Variants in DECR2 observed in about 807,000 individuals in gnomAD.
DECR2 encodes 2,4-dienoyl-CoA reductase 2.
A neutral mutation model predicts 29.2 loss-of-function variants in DECR2; 34 were observed. That is an observed-to-expected ratio of 1.16 (90% CI 0.89 to 1.55). The LOEUF (loss-of-function observed/expected upper bound fraction) is 1.55. DECR2 is among the 40% of genes most tolerant of loss of function. The probability of loss-of-function intolerance (pLI) is 0.00; values close to 1 mark genes in which losing one functional copy is unlikely to be tolerated. For synonymous variants in DECR2, 224 were observed against 182.7 expected (o/e 1.23, Z -1.82); for missense variants, 485 against 425.3 (o/e 1.14, Z -1.23).
At chr16:403,426 T>C (rs2054690482) in intron 1 of DECR2, among the ~76,000 whole-genome samples, 2 of 152,298 alleles carry the variant, frequency 1.3e-5, no homozygotes, top group South Asian at 4.1e-4. Context: ...TCAGTACACA[T>C]TTAATGCGTA....
intron 4 of DECR2, among the ~76,000 whole-genome samples, chr16:409,229 T>G (rs1276653624): frequency 1.3e-5 from 2 of 152,078 alleles, no homozygotes; most frequent in African/African-American, 4.8e-5. Context: ...TGGAGTGCAG[T>G]GGCGCAATCT....
At chr16:404,874 C>G in intron 1 of DECR2, 82 bp from the exon 2 acceptor site, 2 of 1,378,610 alleles carry the variant, frequency 1.5e-6, no homozygotes, top group Non-Finnish European at 2.1e-6. Context: ...GTGGCCCACC[C>G]ACCTTGGCCT....
In DECR2 at chr16:410,796, C is replaced by G. The variant is rs115317717; in HGVS notation, c.556+12C>G. 5.7e-6 allele frequency: 9 copies of G among 1,568,794 alleles called. No individual in the cohort carries two copies. Among genetic ancestry groups the G allele is most frequent in the Middle Eastern group, 1.8e-4 (1 of 5,476 alleles). On this transcript the variant is annotated intron_variant, in intron 6 of 8. Coordinates refer to ENST00000219481, the MANE Select transcript of DECR2 (RefSeq NM_020664.4). The surrounding 1 kb of genome is among the most constrained non-coding windows in gnomAD (Gnocchi z 4.1). ...CAAGGCCGCTGTGGGTATGACCACC[C>G]CCCCCCGCCCAGGTTTGCCCACGTG...
At chr16:404,652 CG>C (rs1567339086) in intron 1 of DECR2, among the ~76,000 whole-genome samples, 1 of 151,608 alleles carries the variant, frequency 6.6e-6, no homozygotes, top group East Asian at 1.9e-4. Context: ...TTTTTTGAGA[CG>C]GAGTCTTGCT....
At chr16:402,182 T>TC in intron 1 of DECR2, 139 bp downstream of exon 1, 1 of 679,140 alleles carries the variant, frequency 1.5e-6, no homozygotes, top group East Asian at 3.5e-5. Flanking sequence ...TTTCTTTCTT[T>TC]TTTTTTTTTT....
intron 3 of DECR2, 61 bp downstream of exon 3, chr16:406,458 C>T: frequency 6.3e-7 from 1 of 1,577,858 alleles, no homozygotes; most frequent in Non-Finnish European, 8.6e-7. Context: ...GGGGCTGGGC[C>T]TGGGCCAGGA....
intron 1 of DECR2, among the ~76,000 whole-genome samples, chr16:403,758 G>A (rs2054693670): frequency 6.6e-6 from 1 of 152,200 alleles, no homozygotes; most frequent in Admixed American, 6.5e-5. Context: ...TGCACCTGTA[G>A]TCCCAGCTAC....
chr16:402,782 G>T (rs151149458), intron 1 of DECR2, among the ~76,000 whole-genome samples: 1 of 151,848 alleles, frequency 6.6e-6, no homozygotes, highest in Admixed American at 6.6e-5. Flanking sequence ...TCAGGAGTTC[G>T]AGACCAGCCT....
intron 1 of DECR2, among the ~76,000 whole-genome samples, chr16:402,250 C>T (rs1052311138): frequency 6.6e-6 from 1 of 151,830 alleles, no homozygotes; most frequent in Admixed American, 6.6e-5. Context: ...TCTCCGCTCA[C>T]TGCAAACTCT....
intron 2 of DECR2, 167 bp downstream of exon 2, chr16:405,191 C>T: frequency 1.3e-6 from 1 of 784,236 alleles, no homozygotes; most frequent in Non-Finnish European, 2.0e-6. Flanking sequence ...CGAGGATTGC[C>T]CTGGGGGGAG....
At chr16:405,415 A>G in intron 2 of DECR2, 3 of 766,680 alleles carry the variant, frequency 3.9e-6, no homozygotes. Context: ...GGGGAAAGGG[A>G]CCCTTCCTCA....
chr16:406,512 TC>T (rs2054726042), intron 3 of DECR2, 115 bp downstream of exon 3: 14 of 1,076,488 alleles, frequency 1.3e-5, no homozygotes, highest in Non-Finnish European at 1.9e-5. Flanking sequence ...ACTTTTTTTT[TC>T]TGAGACGGGA....
intron 4 of DECR2, chr16:409,741 C>G (rs1248211062): frequency 6.5e-6 from 1 of 153,654 alleles, no homozygotes; most frequent in Non-Finnish European, 1.4e-5. Flanking sequence ...AAGGCGTCGG[C>G]AGAGCTATGC....
In DECR2 at chr16:411,593, C is replaced by T; in HGVS notation, c.*15C>T. The T allele has an allele frequency of 6.3e-7, 1 of 1,599,044 alleles. No individual in the cohort carries two copies. Among genetic ancestry groups the T allele is most frequent in the Non-Finnish European group, 8.5e-7 (1 of 1,170,618 alleles). ...CTAAGCTCTAGGTGAGGTACTGCTC[C>T]CGCTTCTTGGGGTCATCTGTGTCCT... On this transcript the variant is annotated intron_variant, in intron 8 of 8. Coordinates refer to ENST00000219481, the MANE Select transcript of DECR2 (RefSeq NM_020664.4).
chr16:403,074 G>T (rs1036363544), intron 1 of DECR2: 1 of 972,600 alleles, frequency 1.0e-6, no homozygotes, highest in Non-Finnish European at 1.2e-6. Flanking sequence ...GTTTTTTTTC[G>T]AAACGGAGTC....
At chr16:408,081 GGGCCCCTGTCTCCA>G (rs1450781470) in intron 4 of DECR2, among the ~76,000 whole-genome samples, 1 of 11,512 alleles carries the variant, frequency 8.7e-5, no homozygotes, top group African/African-American at 2.6e-4. Context: ...CCCTGTCTCC[GGGCCCCTGTCTCCA>G]GCCCCCTGTC....
Position 410,035 on chromosome 16 carries a change from A to T in DECR2, c.338-208A>T, listed in dbSNP as rs917052738. 9 of 628,680 alleles carry T rather than the reference A, an allele frequency of 1.4e-5. No homozygotes were observed. In the East Asian group the frequency reaches 1.4e-4, roughly 10 times the overall value. The allele number at this position is 628,680 out of a possible 1,614,324, so 38.9% of individuals were successfully genotyped here. On this transcript the variant is annotated intron_variant, in intron 4 of 8. Coordinates refer to ENST00000219481, the MANE Select transcript of DECR2 (RefSeq NM_020664.4). This position sits in a 1 kb window ranked among gnomAD's most constrained non-coding sequence, Gnocchi z 4.1. ...GCAGGTACGGAGCCAGGGCTTCAGCATGTCTTCTCTTCTCGGGGACACAGT... is the reference window on the plus strand; with the variant it reads ...GCAGGTACGGAGCCAGGGCTTCAGCTTGTCTTCTCTTCTCGGGGACACAGT...
At chr16:408,349 CT>C (rs1436328132) in intron 4 of DECR2, among the ~76,000 whole-genome samples, 2 of 151,930 alleles carry the variant, frequency 1.3e-5, no homozygotes, top group African/African-American at 2.4e-5. Context: ...GTCTCCAGGC[CT>C]TTGTGTCCCG....
intron 3 of DECR2, 67 bp from the exon 4 acceptor site, chr16:407,358 A>T: frequency 6.5e-7 from 1 of 1,528,776 alleles, no homozygotes; most frequent in East Asian, 2.3e-5. Flanking sequence ...TCCTCTGCAG[A>T]TTCCAAAGGC....
Sources: gnomAD v4.1 joint callset for allele counts (sites outside exome capture counted in the v4.1 genomes callset) on GRCh38, gnomAD v4.1.1 for gene constraint, Gnocchi (gnomAD v3.1) non-coding constraint, MANE v1.5 for transcripts, NCBI Gene and HGNC (gene_info 2026-07-23, HGNC 2026-07-21) for gene names.